CES5A: variants seen among roughly 807,000 people sequenced by gnomAD.
The protein encoded by CES5A is carboxylesterase 5A, also known as carboxylesterase 5.
Under a neutral mutation model 62.9 loss-of-function variants are expected in CES5A, and 67 were observed. That is an observed-to-expected ratio of 1.07 (90% CI 0.88 to 1.31). CES5A has a LOEUF of 1.31. Ranked by LOEUF, CES5A falls within the 50% of genes most tolerant of loss-of-function variation. The pLI, the probability that CES5A is intolerant of heterozygous loss-of-function variation, is 0.00. For synonymous variants in CES5A, 296 were observed against 280.8 expected (o/e 1.05, Z -0.54); for missense variants, 748 against 708.5 (o/e 1.06, Z -0.63).
intron 1 of CES5A, among the ~76,000 whole-genome samples, chr16:55,891,198 A>G (rs765690331): frequency 6.6e-6 from 1 of 152,160 alleles, no homozygotes; most frequent in Non-Finnish European, 1.5e-5. Context: ...AACCCTAGCC[A>G]ATAGGGGAAT....
intron 2 of CES5A, among the ~76,000 whole-genome samples, chr16:55,934,841 G>A (rs1164974822): frequency 2.0e-5 from 3 of 152,202 alleles, no homozygotes; most frequent in African/African-American, 7.2e-5. Flanking sequence ...CTAAGCGCAG[G>A]GCCTGAGACG....
chr16:55,880,272 C>T (rs141188284), upstream of CES5A, among the ~76,000 whole-genome samples: 571 of 152,276 alleles, frequency 3.7e-3, 4 homozygotes, highest in African/African-American at 0.012. Flanking sequence ...GCAGAAATGT[C>T]CCTTCTGTCT....
At chr16:55,855,787 G>A (rs567289476) in intron 9 of CES5A, among the ~76,000 whole-genome samples, 72 of 152,252 alleles carry the variant, frequency 4.7e-4, no homozygotes, top group Non-Finnish European at 9.0e-4. Flanking sequence ...CTTCCAGGTC[G>A]GGGATTGTGG....
At chr16:55,876,469 G>A (rs2033695250), upstream of CES5A, among the ~76,000 whole-genome samples, 1 of 152,204 alleles carries the variant, frequency 6.6e-6, no homozygotes, top group African/African-American at 2.4e-5. Flanking sequence ...GGAAAATCCG[G>A]CCTTTCTGTA....
chr16:55,927,304 A>C (rs1044131018), upstream of CES5A, among the ~76,000 whole-genome samples: 1 of 152,206 alleles, frequency 6.6e-6, no homozygotes, highest in Non-Finnish European at 1.5e-5. Flanking sequence ...CAGCAGAAGA[A>C]ATAATCAACA....
At chr16:55,912,377 G>C (rs1328994247) in intron 1 of CES5A, among the ~76,000 whole-genome samples, 5 of 152,192 alleles carry the variant, frequency 3.3e-5, no homozygotes, top group Non-Finnish European at 7.3e-5. Context: ...GCTGTGCCGG[G>C]TCTCTCTGGG....
chr16:55,910,277 C>G (rs1173793573), intron 1 of CES5A, among the ~76,000 whole-genome samples: 1 of 152,178 alleles, frequency 6.6e-6, no homozygotes, highest in Non-Finnish European at 1.5e-5. Context: ...ATCAAAGAAG[C>G]CAAGGTAGCT....
At chr16:55,882,193 A>G (rs1335992427) in intron 1 of CES5A, among the ~76,000 whole-genome samples, 1 of 152,150 alleles carries the variant, frequency 6.6e-6, no homozygotes, top group Non-Finnish European at 1.5e-5. Context: ...AGGACTATGC[A>G]ATGTCACTAT....
chr16:55,870,370 G>A (rs1177556055), intron 3 of CES5A, among the ~76,000 whole-genome samples: 2 of 151,800 alleles, frequency 1.3e-5, no homozygotes, highest in Non-Finnish European at 2.9e-5. Flanking sequence ...AGGAAGAGGA[G>A]GAGGAGAAAG....
intron 4 of CES5A, chr16:55,869,376 G>T (rs1463415007): frequency 1.6e-6 from 1 of 612,604 alleles, no homozygotes; most frequent in Non-Finnish European, 2.4e-6. Context: ...AATGTCTGCC[G>T]ATCAGGGATG....
chr16:55,920,059 C>T (rs1374243880), intron 1 of CES5A, among the ~76,000 whole-genome samples: 2 of 152,142 alleles, frequency 1.3e-5, no homozygotes. Context: ...ATACAAAAAA[C>T]AAATATAAGT....
At chr16:55,894,284 G>A (rs59889132) in intron 1 of CES5A, among the ~76,000 whole-genome samples, 6 of 151,788 alleles carry the variant, frequency 4.0e-5, no homozygotes, top group Admixed American at 1.3e-4. Flanking sequence ...CAAGGCAGGC[G>A]GATCATGAGG....
At chr16:55,951,839 A>C (rs2142488776) in intron 1 of CES5A, among the ~76,000 whole-genome samples, 1 of 152,350 alleles carries the variant, frequency 6.6e-6, no homozygotes. Flanking sequence ...GTTAATCTAC[A>C]ATCATGGTAA....
rs554695288 is a variant in CES5A at position 55,938,812 on chromosome 16, A to G, written c.160+10973T>C. On this transcript the variant is annotated intron_variant, in intron 2 of 13. Transcript: ENST00000521992. ...TATATATATATACACACATATATATATATACACACACATATATATATATAC... is the reference window on the plus strand; with the variant it reads ...TATATATATATACACACATATATATGTATACACACACATATATATATATAC... 1.6e-3 allele frequency among the ~76,000 whole-genome samples: 192 copies of G among 120,358 alleles called. 2 individuals carry two copies. Among genetic ancestry groups the G allele is most frequent in the African/African-American group, 5.8e-3 (182 of 31,512 alleles). The allele number at this position is 120,358 out of a possible 152,430, so 79.0% of individuals were successfully genotyped here.
chr16:55,865,968 T>C lies in CES5A; in HGVS notation c.700A>G (p.Ser234Gly). ...CCACAAAGCAGAGAACTCACAAGAC[T>C]AGAAACACTTATGGCTCCCGCGGAC... ...GESAGAISVSSLILSPMAKGL... is the reference protein window; with the variant it reads ...GESAGAISVSGLILSPMAKGL... Residue 234 changes from serine (S) to glycine (G), a missense_variant, in exon 5 of 13, where the codon AGT becomes GGT. Ser to Gly is a moderately conservative substitution (Grantham distance 56). Coordinates refer to ENST00000290567, the MANE Select transcript of CES5A (RefSeq NM_001143685.2). 1.2e-6 allele frequency: 2 copies of C among 1,614,148 alleles called. No homozygotes were observed. Among genetic ancestry groups the C allele is most frequent in the Non-Finnish European group, 1.7e-6 (2 of 1,180,016 alleles).
At chr16:55,936,998 C>A (rs1287486368) in intron 2 of CES5A, among the ~76,000 whole-genome samples, 1 of 152,096 alleles carries the variant, frequency 6.6e-6, no homozygotes, top group Admixed American at 6.5e-5. Context: ...AGTACAACAG[C>A]AAATGGGCTA....
At chr16:55,929,292 C>T (rs1317118308), upstream of CES5A, among the ~76,000 whole-genome samples, 3 of 152,332 alleles carry the variant, frequency 2.0e-5, no homozygotes, top group Admixed American at 6.5e-5. Flanking sequence ...GGGAGGTGGG[C>T]GCTTGGCTCG....
intron 1 of CES5A, among the ~76,000 whole-genome samples, chr16:55,909,570 G>GCACACACACACACA (rs34468527): frequency 0.016 from 2,384 of 150,128 alleles, 41 homozygotes; most frequent in Non-Finnish European, 0.023. Context: ...GTGCGCACGT[G>GCACACACACACACA]CACACACACA....
intron 2 of CES5A, among the ~76,000 whole-genome samples, chr16:55,872,813 C>T (rs1018530892): frequency 1.3e-5 from 2 of 152,122 alleles, no homozygotes; most frequent in Admixed American, 6.5e-5. Flanking sequence ...GTTGCCCTTG[C>T]CATCTTATAT....
Sources: gnomAD v4.1 joint callset for allele counts (sites outside exome capture counted in the v4.1 genomes callset) on GRCh38, gnomAD v4.1.1 for gene constraint, MANE v1.5 for transcripts, NCBI Gene and HGNC (gene_info 2026-07-23, HGNC 2026-07-21) for gene names.